The following DIAPH3 variants were observed in gnomAD, a reference collection of about 807,000 sequenced individuals.
DIAPH3 encodes protein diaphanous homolog 3.
A neutral mutation model predicts 144.3 loss-of-function variants in DIAPH3; 117 were observed. That is an observed-to-expected ratio of 0.81 (90% CI 0.70 to 0.95). The LOEUF (loss-of-function observed/expected upper bound fraction) is 0.95. DIAPH3 is among the 40% of genes least tolerant of loss of function. The probability of loss-of-function intolerance (pLI) is 0.00; values close to 1 mark genes in which losing one functional copy is unlikely to be tolerated. For missense variants in DIAPH3, 1,421 were observed against 1,412.7 expected, an observed-to-expected ratio of 1.01 and a Z score of -0.09; for synonymous variants, 519 against 488.9, an observed-to-expected ratio of 1.06 and a Z score of -0.81.
At chr13:59,786,181 T>G (rs1484951404) in intron 25 of DIAPH3, among the ~76,000 whole-genome samples, 2 of 152,188 alleles carry the variant, frequency 1.3e-5, no homozygotes, top group Non-Finnish European at 2.9e-5. Flanking sequence ...GAAAAATATT[T>G]TGCAGCTACA....
At chr13:59,969,847 G>A (rs2140561941) in intron 17 of DIAPH3, 97 bp downstream of exon 17, 4 of 744,344 alleles carry the variant, frequency 5.4e-6, no homozygotes, top group East Asian at 2.9e-5. Flanking sequence ...AACATGTACA[G>A]GATTCATAAA....
At chr13:59,837,747 G>A (rs1367675204) in intron 23 of DIAPH3, 1 of 143,800 alleles carries the variant, frequency 7.0e-6, no homozygotes, top group African/African-American at 2.6e-5. Flanking sequence ...AATTTTTGAT[G>A]AATACAGATT....
intron 25 of DIAPH3, among the ~76,000 whole-genome samples, chr13:59,793,349 C>T (rs1231529885): frequency 2.0e-5 from 3 of 152,188 alleles, no homozygotes; most frequent in African/African-American, 7.2e-5. Context: ...AATTAAAACA[C>T]CTGCTTTGTC....
chr13:60,149,096 G>A (rs1327107247), intron 1 of DIAPH3, among the ~76,000 whole-genome samples: 6 of 152,218 alleles, frequency 3.9e-5, no homozygotes, highest in African/African-American at 1.2e-4. Context: ...GAAAGGGGTT[G>A]TTTGGTTTTC....
chr13:59,748,934 T>G (rs190892494), intron 27 of DIAPH3, among the ~76,000 whole-genome samples: 183 of 152,038 alleles, frequency 1.2e-3, no homozygotes, highest in Non-Finnish European at 3.1e-4. Context: ...TAAAGCCAGG[T>G]CAGGTGCGGT....
chr13:59,934,374 G>C (rs937015338), intron 17 of DIAPH3, among the ~76,000 whole-genome samples: 1 of 152,102 alleles, frequency 6.6e-6, no homozygotes, highest in South Asian at 2.1e-4. Context: ...CTAGCCTTAA[G>C]AGTATGAAAA....
intron 27 of DIAPH3, among the ~76,000 whole-genome samples, chr13:59,726,031 G>A (rs1336742068): frequency 6.6e-6 from 1 of 152,032 alleles, no homozygotes; most frequent in African/African-American, 2.4e-5. Flanking sequence ...TATTTCTCTT[G>A]AAAACATAGC....
intron 2 of DIAPH3, among the ~76,000 whole-genome samples, chr13:60,115,840 T>C (rs188794014): frequency 8.5e-5 from 13 of 152,104 alleles, no homozygotes; most frequent in African/African-American, 2.9e-4. Context: ...AAATCTCCAA[T>C]ATATTTCTTT....
chr13:59,892,527 A>C (rs2045868760), intron 20 of DIAPH3, among the ~76,000 whole-genome samples: 1 of 152,044 alleles, frequency 6.6e-6, no homozygotes. Context: ...ATAACACTGG[A>C]AATGGTATAT....
intron 4 of DIAPH3, among the ~76,000 whole-genome samples, chr13:60,063,452 A>G (rs1202232506): frequency 6.6e-6 from 1 of 152,274 alleles, no homozygotes; most frequent in African/African-American, 2.4e-5. Flanking sequence ...CCCATGAATC[A>G]CAAATGTTCT....
intron 27 of DIAPH3, among the ~76,000 whole-genome samples, chr13:59,758,320 GA>G (rs1364444890): frequency 6.6e-6 from 1 of 152,062 alleles, no homozygotes; most frequent in Admixed American, 6.6e-5. Flanking sequence ...CTGATAACAG[GA>G]AAAAAATGTG....
chr13:59,847,707 C>T (rs2139827414), intron 22 of DIAPH3, among the ~76,000 whole-genome samples: 1 of 152,224 alleles, frequency 6.6e-6, no homozygotes, highest in South Asian at 2.1e-4. Flanking sequence ...TTTACTTTGT[C>T]ACAGGGGAAA....
intron 3 of DIAPH3, among the ~76,000 whole-genome samples, chr13:60,107,871 G>A (rs528055465): frequency 1.5e-4 from 23 of 152,272 alleles, no homozygotes; most frequent in African/African-American, 5.3e-4. Flanking sequence ...TTTAATGCCT[G>A]TTAATGATAG....
intron 25 of DIAPH3, among the ~76,000 whole-genome samples, chr13:59,798,828 C>G (rs551046591): frequency 1.1e-3 from 174 of 152,180 alleles, no homozygotes; most frequent in African/African-American, 4.1e-3. Context: ...GAGGAAGTGG[C>G]GCATATTGGG....
intron 17 of DIAPH3, among the ~76,000 whole-genome samples, chr13:59,933,893 T>C (rs770367753): frequency 1.3e-5 from 2 of 152,210 alleles, no homozygotes; most frequent in Non-Finnish European, 2.9e-5. Flanking sequence ...CATTTCAAAA[T>C]CCTTTCTTTC....
At chr13:60,118,257 G>C (rs1359888219) in intron 2 of DIAPH3, among the ~76,000 whole-genome samples, 1 of 152,100 alleles carries the variant, frequency 6.6e-6, no homozygotes, top group East Asian at 1.9e-4. Context: ...TGAATTTTTA[G>C]CTATAGTATA....
At chr13:59,810,992 T>A in intron 24 of DIAPH3, 69 bp from the exon 25 acceptor site, 1 of 1,381,784 alleles carries the variant, frequency 7.2e-7, no homozygotes, top group Non-Finnish European at 1.0e-6. Flanking sequence ...AGTTATCTAT[T>A]TGAAAATATG....
At chr13:59,829,361 C>A (rs1443190517) in intron 24 of DIAPH3, among the ~76,000 whole-genome samples, 1 of 151,874 alleles carries the variant, frequency 6.6e-6, no homozygotes, top group African/African-American at 2.4e-5. Context: ...AGCAGTTATG[C>A]ATTTAATAGA....
At chr13:59,706,317 A>G (rs1362490993) in intron 27 of DIAPH3, among the ~76,000 whole-genome samples, 1 of 152,146 alleles carries the variant, frequency 6.6e-6, no homozygotes, top group Non-Finnish European at 1.5e-5. Context: ...GGTCAACTGC[A>G]CATCTTTTAC....
Sources: gnomAD v4.1 joint callset for allele counts (sites outside exome capture counted in the v4.1 genomes callset) on GRCh38, gnomAD v4.1.1 for gene constraint, MANE v1.5 for transcripts, NCBI Gene and HGNC (gene_info 2026-07-23, HGNC 2026-07-21) for gene names.